TTC7B: variants seen among roughly 807,000 people sequenced by gnomAD.
The protein encoded by TTC7B is tetratricopeptide repeat protein 7B.
Under a neutral mutation model 106.8 loss-of-function variants are expected in TTC7B, and 28 were observed. That is an observed-to-expected ratio of 0.26 (90% CI 0.19 to 0.36). The LOEUF (loss-of-function observed/expected upper bound fraction) is 0.36, where lower values mean the gene tolerates loss of function less well. Ranked by LOEUF, TTC7B falls within the 10% of genes least tolerant of loss-of-function variation. TTC7B has a pLI of 1.00. For missense variants in TTC7B, 862 were observed against 1,076.4 expected, an observed-to-expected ratio of 0.80 and a Z score of 2.79; for synonymous variants, 405 against 430.6, an observed-to-expected ratio of 0.94 and a Z score of 0.74.
intron 18 of TTC7B, among the ~76,000 whole-genome samples, chr14:90,588,785 T>C (rs1463415038): frequency 1.3e-5 from 2 of 148,234 alleles, no homozygotes; most frequent in African/African-American, 2.5e-5. Flanking sequence ...AAAGAAACCA[T>C]AAACATGAAT....
At chr14:90,738,981 C>T (rs1323734408) in intron 4 of TTC7B, among the ~76,000 whole-genome samples, 1 of 152,124 alleles carries the variant, frequency 6.6e-6, no homozygotes, top group African/African-American at 2.4e-5. Context: ...GCCAAGATTG[C>T]ACCACTGCAC....
intron 1 of TTC7B, among the ~76,000 whole-genome samples, chr14:90,788,166 A>AAAAAAGAGGAAATCAGG (rs1891455223): frequency 1.3e-5 from 2 of 152,316 alleles, no homozygotes; most frequent in South Asian, 4.1e-4. Context: ...TCTGACTCAA[A>AAAAAAGAGGAAATCAGG]AAAAAGAGGA....
chr14:90,698,723 T>G (rs1015475898), intron 5 of TTC7B: 1 of 154,562 alleles, frequency 6.5e-6, no homozygotes, highest in African/African-American at 2.4e-5. Context: ...ACAGCTCGGC[T>G]GGGACCAAGG....
At chr14:90,766,309 T>C (rs746583718) in intron 3 of TTC7B, among the ~76,000 whole-genome samples, 3 of 151,862 alleles carry the variant, frequency 2.0e-5, no homozygotes, top group African/African-American at 7.3e-5. Flanking sequence ...GAAAAGTATA[T>C]ATCAACTGAA....
At chr14:90,782,963 AC>A (rs1891269158) in intron 2 of TTC7B, among the ~76,000 whole-genome samples, 1 of 152,188 alleles carries the variant, frequency 6.6e-6, no homozygotes, top group South Asian at 2.1e-4. Flanking sequence ...AAAAAGGTTA[AC>A]AAAAGCAAAC....
intron 18 of TTC7B, among the ~76,000 whole-genome samples, chr14:90,584,167 G>A (rs1891622362): frequency 6.6e-6 from 1 of 152,188 alleles, no homozygotes. Context: ...AGGGCTTCCT[G>A]GAATGGTTTG....
At chr14:90,646,624 A>G (rs1885466546) in intron 14 of TTC7B, 1 of 252,010 alleles carries the variant, frequency 4.0e-6, no homozygotes, top group Non-Finnish European at 7.9e-6. Context: ...TCCTGTTGGC[A>G]AGGGACAGAG....
chr14:90,759,160 A>G lies in TTC7B; in HGVS notation c.446-14238T>C, dbSNP rs1890417245. 1.3e-5 allele frequency among the ~76,000 whole-genome samples: 2 copies of G among 150,516 alleles called. No homozygotes were observed. The highest frequency in any genetic ancestry group is 6.7e-5 in the Admixed American group (1 of 14,892). On this transcript the variant is annotated intron_variant, in intron 3 of 19. Coordinates refer to ENST00000328459, the MANE Select transcript of TTC7B (RefSeq NM_001010854.2). The surrounding 1 kb of genome is among the most constrained non-coding windows in gnomAD (Gnocchi z 4.1). ...TGTCCCACTCCGACCCACTCCGGAG[A>G]GCCACGCTCTGAGCCGCACATGACT... is the stretch of plus-strand genomic sequence containing the variant.
Position 90,614,045 on chromosome 14 carries a change from C to T in TTC7B, c.1869-3206G>A, listed in dbSNP as rs553754488. On this transcript the variant is annotated intron_variant, in intron 16 of 19. Coordinates refer to ENST00000328459, the MANE Select transcript of TTC7B (RefSeq NM_001010854.2). ...TGGAGCTCTTGTCTCAGCTGAGCCT[C>T]TTCCCAGCTCCTGGAATAGTGCCTG... 2.6e-5 allele frequency among the ~76,000 whole-genome samples: 4 copies of T among 152,312 alleles called. No individual in the cohort carries two copies. In the South Asian group the frequency reaches 8.3e-4, roughly 32 times the overall value.
At chr14:90,699,731 C>A (rs1359025491) in intron 5 of TTC7B, among the ~76,000 whole-genome samples, 1 of 152,224 alleles carries the variant, frequency 6.6e-6, no homozygotes, top group East Asian at 1.9e-4. Flanking sequence ...TTCTCACCAA[C>A]CAGCACTCCT....
intron 17 of TTC7B, among the ~76,000 whole-genome samples, chr14:90,606,584 G>T (rs1012001446): frequency 1.3e-5 from 2 of 152,134 alleles, no homozygotes; most frequent in African/African-American, 2.4e-5. Context: ...ATGACTCAGA[G>T]CTTCAAAGTA....
At chr14:90,769,010 A>G (rs1339423618) in intron 3 of TTC7B, among the ~76,000 whole-genome samples, 2 of 152,202 alleles carry the variant, frequency 1.3e-5, no homozygotes, top group Non-Finnish European at 2.9e-5. Flanking sequence ...TACAATGGGT[A>G]AAGATATAAT....
chr14:90,679,886 G>A (rs2139927861), intron 8 of TTC7B, among the ~76,000 whole-genome samples: 1 of 152,330 alleles, frequency 6.6e-6, no homozygotes, highest in South Asian at 2.1e-4. Context: ...CAGAGGGTCT[G>A]GCAAAAACTC....
At chr14:90,643,617 G>A (rs1188052559) in intron 15 of TTC7B, among the ~76,000 whole-genome samples, 3 of 151,842 alleles carry the variant, frequency 2.0e-5, no homozygotes, top group Non-Finnish European at 2.9e-5. Context: ...TCGCTCTGTC[G>A]CCCAGGCTGG....
At chr14:90,581,247 C>T (rs552578081) in intron 18 of TTC7B, among the ~76,000 whole-genome samples, 6 of 152,288 alleles carry the variant, frequency 3.9e-5, no homozygotes, top group Admixed American at 1.3e-4. Context: ...TGAAGGTGAC[C>T]GCCCAGCCAT....
At position 90,585,452 on chromosome 14, in the gene TTC7B, C is replaced by A. The variant is rs147183454; in HGVS notation, c.2108-7144G>T. On this transcript the variant is annotated intron_variant, in intron 18 of 19. Transcript: ENST00000328459. Reference sequence around the variant, plus strand: ...GAGCCTCTTCTGGCCACCAAACCAACAACTCATCTGTGTCCTCTGTTCCAT... The same window carrying A: ...GAGCCTCTTCTGGCCACCAAACCAAAAACTCATCTGTGTCCTCTGTTCCAT... Among the ~76,000 whole-genome samples the A allele has an allele frequency of 3.4e-3, 525 of 152,322 alleles. 2 individuals are homozygous for A. The highest frequency in any genetic ancestry group is 0.012 in the African/African-American group (483 of 41,562).
intron 18 of TTC7B, among the ~76,000 whole-genome samples, chr14:90,579,570 G>C (rs1891402211): frequency 6.6e-6 from 1 of 152,188 alleles, no homozygotes; most frequent in Admixed American, 6.5e-5. Context: ...GGCCGAGGCG[G>C]GCGGATAGCT....
At chr14:90,629,798 C>A (rs938107346) in intron 15 of TTC7B, among the ~76,000 whole-genome samples, 1 of 152,252 alleles carries the variant, frequency 6.6e-6, no homozygotes. Context: ...AGCCTCGCCT[C>A]TCCCAGCTGC....
chr14:90,602,127 T>C (rs193155497), intron 17 of TTC7B: 26 of 456,034 alleles, frequency 5.7e-5, no homozygotes, highest in Non-Finnish European at 9.7e-5. Context: ...AGCTAAAGGC[T>C]CAGGTCATTC....
Sources: gnomAD v4.1 joint callset for allele counts (sites outside exome capture counted in the v4.1 genomes callset) on GRCh38, gnomAD v4.1.1 for gene constraint, Gnocchi (gnomAD v3.1) non-coding constraint, MANE v1.5 for transcripts, NCBI Gene and HGNC (gene_info 2026-07-23, HGNC 2026-07-21) for gene names.